Variants in LRRTM4 observed in about 807,000 individuals in gnomAD.
LRRTM4 encodes the protein leucine-rich repeat transmembrane neuronal protein 4.
A neutral mutation model predicts 47.6 loss-of-function variants in LRRTM4; 25 were observed. The ratio of observed to expected loss-of-function variants is 0.53; its 90% CI spans 0.38 to 0.73. The LOEUF is 0.73. Among genes scored for constraint, LRRTM4 ranks in the 30% least tolerant of loss-of-function variants. The probability of loss-of-function intolerance (pLI) is 0.00; values close to 1 mark genes in which losing one functional copy is unlikely to be tolerated. For missense variants in LRRTM4, 638 were observed against 713.4 expected, an observed-to-expected ratio of 0.89 and a Z score of 1.20; for synonymous variants, 311 against 269.5, an observed-to-expected ratio of 1.15 and a Z score of -1.51.
At chr2:76,994,095 G>C (rs528699471) in intron 3 of LRRTM4, among the ~76,000 whole-genome samples, 3 of 151,754 alleles carry the variant, frequency 2.0e-5, no homozygotes, top group South Asian at 2.1e-4. Context: ...GGCAACAATA[G>C]ACACTGCAGA....
chr2:77,026,420 A>G (rs1345137), intron 3 of LRRTM4, among the ~76,000 whole-genome samples: 18,790 of 152,086 alleles, frequency 0.12, 1,427 homozygotes, highest in Admixed American at 0.19. Context: ...CTTGGTTTTT[A>G]ACCCACAGAA....
At chr2:76,927,347 G>T (rs1368269136) in intron 3 of LRRTM4, among the ~76,000 whole-genome samples, 2 of 152,098 alleles carry the variant, frequency 1.3e-5, no homozygotes, top group Admixed American at 6.6e-5. Flanking sequence ...ACCTTGAGGG[G>T]ATTAAAAAGC....
intron 3 of LRRTM4, among the ~76,000 whole-genome samples, chr2:77,273,939 A>G (rs953897403): frequency 6.6e-6 from 1 of 152,184 alleles, no homozygotes; most frequent in African/African-American, 2.4e-5. Context: ...TTCAGTAGTT[A>G]GAAAATTCTT....
chr2:77,277,550 A>G (rs2104089895), intron 3 of LRRTM4, among the ~76,000 whole-genome samples: 1 of 152,184 alleles, frequency 6.6e-6, no homozygotes, highest in East Asian at 1.9e-4. Context: ...GCTTTCATCA[A>G]GAGAAAGTGA....
intron 3 of LRRTM4, among the ~76,000 whole-genome samples, chr2:77,016,383 T>TAA (rs75200969): frequency 0.25 from 32,741 of 133,118 alleles, 4,020 homozygotes; most frequent in East Asian, 0.4. Context: ...GAACTCCATT[T>TAA]AAAAAAAAAA....
chr2:77,338,456 GAC>G (rs1671244801), intron 3 of LRRTM4, among the ~76,000 whole-genome samples: 2 of 151,928 alleles, frequency 1.3e-5, no homozygotes, highest in African/African-American at 4.8e-5. Context: ...TTCAAAAAAA[GAC>G]ACAGAAGTGG....
chr2:77,370,076 G>A (rs931539297), intron 3 of LRRTM4, among the ~76,000 whole-genome samples: 1 of 151,660 alleles, frequency 6.6e-6, no homozygotes, highest in African/African-American at 2.4e-5. Context: ...GCATAATGCA[G>A]GGGATTCCTG....
intron 3 of LRRTM4, among the ~76,000 whole-genome samples, chr2:77,221,993 T>C (rs1422730868): frequency 6.6e-6 from 1 of 151,970 alleles, no homozygotes. Context: ...GAACAGAAAT[T>C]ATAACAAACT....
At chr2:77,417,743 T>A (rs1463625764) in intron 3 of LRRTM4, among the ~76,000 whole-genome samples, 3 of 134,608 alleles carry the variant, frequency 2.2e-5, no homozygotes, top group Non-Finnish European at 3.1e-5. Context: ...AAGGGGAACA[T>A]CACACACTGG....
intron 3 of LRRTM4, among the ~76,000 whole-genome samples, chr2:76,915,123 G>A (rs745504468): frequency 5.9e-5 from 9 of 152,162 alleles, no homozygotes; most frequent in Non-Finnish European, 1.2e-4. Context: ...CTTGCTATAT[G>A]CAAGAAAATA....
At chr2:76,952,675 C>A (rs1291904550) in intron 3 of LRRTM4, among the ~76,000 whole-genome samples, 10 of 151,908 alleles carry the variant, frequency 6.6e-5, no homozygotes, top group Admixed American at 6.6e-4. Context: ...TTTGACCCAG[C>A]AATCCCATTA....
rs149759046 is a variant in LRRTM4, at chr2:77,505,754, A to G, written c.1551+12564T>C. On this transcript the variant is annotated intron_variant, in intron 3 of 3. Coordinates refer to ENST00000409884, the MANE Select transcript of LRRTM4 (RefSeq NM_001134745.3). ...GACATACATATACATGCATTATCAT[A>G]TCTGTATTAGAATTTTAAAATGAAT... Among the ~76,000 whole-genome samples the G allele has an allele frequency of 8.7e-4, 132 of 151,806 alleles. No homozygotes were observed. The Middle Eastern group carries it at 0.01, about 12-fold the overall frequency.
intron 3 of LRRTM4, among the ~76,000 whole-genome samples, chr2:76,754,553 T>C (rs1672961504): frequency 1.3e-5 from 2 of 152,180 alleles, no homozygotes; most frequent in South Asian, 4.1e-4. Context: ...GCATGTTATC[T>C]TCATATCCTG....
At chr2:77,175,716 G>T (rs903727573) in intron 3 of LRRTM4, among the ~76,000 whole-genome samples, 1 of 152,016 alleles carries the variant, frequency 6.6e-6, no homozygotes, top group Non-Finnish European at 1.5e-5. Context: ...TAGCCCCTTG[G>T]TCCTACTTTA....
Position 77,486,438 on chromosome 2 carries a change from T to TA in LRRTM4, c.1551+31879dup, listed in dbSNP as rs766910256. Among the ~76,000 whole-genome samples, 90 of 152,274 alleles carry TA rather than the reference T, an allele frequency of 5.9e-4. 1 individual carries two copies. Among genetic ancestry groups the TA allele is most frequent in the Non-Finnish European group, 9.9e-4 (67 of 68,004 alleles). ...CTTTCAATTGGAATGTAATGTAATATAAGAAACTGTAATGTACTCATTTTG... is the reference window on the plus strand; with the variant it reads ...CTTTCAATTGGAATGTAATGTAATATAAAGAAACTGTAATGTACTCATTTTG... On this transcript the variant is annotated intron_variant, in intron 3 of 3. Coordinates refer to ENST00000409884, the MANE Select transcript of LRRTM4 (RefSeq NM_001134745.3).
At chr2:77,363,008 A>G (rs1002083187) in intron 3 of LRRTM4, among the ~76,000 whole-genome samples, 1 of 152,210 alleles carries the variant, frequency 6.6e-6, no homozygotes, top group Non-Finnish European at 1.5e-5. Context: ...ATTACTGTCC[A>G]CCATTTTTCT....
intron 3 of LRRTM4, among the ~76,000 whole-genome samples, chr2:76,784,540 T>C (rs1674571597): frequency 6.6e-6 from 1 of 151,982 alleles, no homozygotes; most frequent in Non-Finnish European, 1.5e-5. Flanking sequence ...GATTTCTCTT[T>C]TGTTTCCCAC....
intron 3 of LRRTM4, among the ~76,000 whole-genome samples, chr2:77,322,775 G>A (rs191202924): frequency 1.4e-4 from 21 of 148,220 alleles, no homozygotes; most frequent in East Asian, 1.4e-3. Context: ...TTTGTTATGC[G>A]TATAACAGAG....
intron 3 of LRRTM4, among the ~76,000 whole-genome samples, chr2:77,489,181 G>C (rs1678043821): frequency 6.6e-6 from 1 of 151,970 alleles, no homozygotes; most frequent in Non-Finnish European, 1.5e-5. Flanking sequence ...GTTTACTTCT[G>C]ATATCTTCAA....
Sources: gnomAD v4.1 joint callset for allele counts (sites outside exome capture counted in the v4.1 genomes callset) on GRCh38, gnomAD v4.1.1 for gene constraint, MANE v1.5 for transcripts, NCBI Gene and HGNC (gene_info 2026-07-23, HGNC 2026-07-21) for gene names.